Variants in PRR16 observed in about 807,000 individuals in gnomAD.
PRR16 encodes protein Largen.
A neutral mutation model predicts 18.2 loss-of-function variants in PRR16; 6 were observed. The observed-to-expected ratio is 0.33, with a 90% CI of 0.18 to 0.65. The LOEUF (loss-of-function observed/expected upper bound fraction) is 0.65, where lower values mean the gene tolerates loss of function less well. Ranked by LOEUF, PRR16 falls within the 30% of genes least tolerant of loss-of-function variation. The pLI is 0.74. For missense variants in PRR16, 412 were observed against 376.6 expected (o/e 1.09, Z -0.78); for synonymous variants, 151 against 147.8 (o/e 1.02, Z -0.16).
chr5:120,710,332 A>G, the PRR16 span, among the ~76,000 whole-genome samples: 1 of 152,122 alleles, frequency 6.6e-6, no homozygotes, highest in Non-Finnish European at 1.5e-5. Flanking sequence ...GTGGGAGGAA[A>G]GGGGAGGATC....
chr5:120,562,332 AT>A (rs1752601646), intron 1 of PRR16, among the ~76,000 whole-genome samples: 1 of 151,982 alleles, frequency 6.6e-6, no homozygotes, highest in Non-Finnish European at 1.5e-5. Flanking sequence ...GTCATGGAAC[AT>A]TTTTTATCAT....
At chr5:120,599,504 C>G (rs1045694366) in intron 1 of PRR16, among the ~76,000 whole-genome samples, 7 of 151,858 alleles carry the variant, frequency 4.6e-5, no homozygotes, top group African/African-American at 1.7e-4. Context: ...TTATTGACCT[C>G]TCCTCTGAGA....
At chr5:120,614,312 T>TA (rs1040006810) in intron 1 of PRR16, among the ~76,000 whole-genome samples, 5 of 152,198 alleles carry the variant, frequency 3.3e-5, no homozygotes. Flanking sequence ...AGCAAATGCT[T>TA]ACGGTGGAGT....
At chr5:120,522,697 C>T (rs112641806) in intron 1 of PRR16, among the ~76,000 whole-genome samples, 1 of 152,122 alleles carries the variant, frequency 6.6e-6, no homozygotes, top group South Asian at 2.1e-4. Context: ...GCTCTGCCTC[C>T]CAGATTCACA....
chr5:120,613,752 G>A (rs1214978092), intron 1 of PRR16, among the ~76,000 whole-genome samples: 3 of 152,090 alleles, frequency 2.0e-5, no homozygotes, highest in Admixed American at 2.0e-4. Flanking sequence ...CACTAATAAT[G>A]AGACTGAACC....
At chr5:120,707,701 C>T in the PRR16 span, among the ~76,000 whole-genome samples, 12 of 152,114 alleles carry the variant, frequency 7.9e-5, no homozygotes, top group African/African-American at 2.7e-4. Context: ...TTTGGGTCTG[C>T]ACTACTCAAG....
chr5:120,532,276 A>G (rs924867110), intron 1 of PRR16, among the ~76,000 whole-genome samples: 23 of 152,102 alleles, frequency 1.5e-4, no homozygotes, highest in African/African-American at 5.3e-4. Flanking sequence ...TTTATTACTT[A>G]TATATAGTTT....
intron 1 of PRR16, among the ~76,000 whole-genome samples, chr5:120,674,223 T>A (rs1756716184): frequency 6.6e-6 from 1 of 152,156 alleles, no homozygotes; most frequent in Non-Finnish European, 1.5e-5. Flanking sequence ...CATACCTGCA[T>A]GCCGCTGTAT....
chr5:120,759,043 C>T, the PRR16 span, among the ~76,000 whole-genome samples: 1 of 133,898 alleles, frequency 7.5e-6, no homozygotes, highest in East Asian at 2.3e-4. Flanking sequence ...GTGGCACAAT[C>T]TCAGCTCACT....
the PRR16 span, among the ~76,000 whole-genome samples, chr5:120,791,161 T>C: frequency 6.6e-6 from 1 of 152,154 alleles, no homozygotes; most frequent in Admixed American, 6.6e-5. Flanking sequence ...ATCTGTTGTT[T>C]GTATTGTTTG....
At chr5:120,717,133 TA>T in the PRR16 span, among the ~76,000 whole-genome samples, 286 of 152,264 alleles carry the variant, frequency 1.9e-3, no homozygotes, top group African/African-American at 6.5e-3. Flanking sequence ...AACATATTAC[TA>T]AAAAATGTTT....
the PRR16 span, among the ~76,000 whole-genome samples, chr5:120,704,755 TAAC>T: frequency 1.3e-5 from 2 of 152,110 alleles, no homozygotes; most frequent in Admixed American, 1.3e-4. Context: ...TCAGTAGAAT[TAAC>T]AATAATTAAA....
intron 1 of PRR16, among the ~76,000 whole-genome samples, chr5:120,589,419 A>T (rs1753557614): frequency 6.6e-6 from 1 of 152,134 alleles, no homozygotes; most frequent in Non-Finnish European, 1.5e-5. Flanking sequence ...TTCTCAAGGT[A>T]TAGGGATGTC....
chr5:120,747,885 CG>C, the PRR16 span, among the ~76,000 whole-genome samples: 1 of 151,984 alleles, frequency 6.6e-6, no homozygotes, highest in African/African-American at 2.4e-5. Flanking sequence ...AACAATTATG[CG>C]TACTCTTAGT....
chr5:120,701,673 T>C, the PRR16 span, among the ~76,000 whole-genome samples: 1 of 151,926 alleles, frequency 6.6e-6, no homozygotes, highest in Non-Finnish European at 1.5e-5. Flanking sequence ...AGAGGTCAGA[T>C]GGGTCTGTAG....
chr5:120,593,186 G>A (rs1753693215), intron 1 of PRR16, among the ~76,000 whole-genome samples: 1 of 151,848 alleles, frequency 6.6e-6, no homozygotes, highest in African/African-American at 2.4e-5. Context: ...GAAGGAGATT[G>A]AGATAGGAAA....
chr5:120,741,153 A>C, the PRR16 span, among the ~76,000 whole-genome samples: 454 of 152,128 alleles, frequency 3.0e-3, 1 homozygote, highest in African/African-American at 0.01. Context: ...ATAGAAGTAC[A>C]GTTAATTTTG....
In PRR16 at chr5:120,668,068, A is replaced by T. The variant is rs141983351; in HGVS notation, c.160-17886A>T. Among the ~76,000 whole-genome samples the T allele has an allele frequency of 9.4e-3, 1,425 of 152,196 alleles. 16 individuals carry two copies. Among genetic ancestry groups the T allele is most frequent in the Non-Finnish European group, 0.016 (1,116 of 68,010 alleles). On this transcript the variant is annotated intron_variant, in intron 1 of 1. Coordinates refer to ENST00000407149, the MANE Select transcript of PRR16 (RefSeq NM_001300783.2). ...TGACAGTGGGATGTTAAAGTCTCCC[A>T]CTATTATTGTGTGGGAGTCTAAGTC...
intron 1 of PRR16, among the ~76,000 whole-genome samples, chr5:120,653,754 A>C (rs563869225): frequency 3.3e-4 from 50 of 152,138 alleles, no homozygotes; most frequent in African/African-American, 1.1e-3. Flanking sequence ...GCATTTCTCC[A>C]GTCCCTGATG....
Sources: allele counts gnomAD v4.1 joint callset (sites outside exome capture counted in the v4.1 genomes callset), GRCh38; gene constraint gnomAD v4.1.1; transcripts MANE v1.5; gene names NCBI Gene and HGNC (gene_info 2026-07-23, HGNC 2026-07-21).